Variants in DOCK10 observed in about 807,000 individuals in gnomAD.
DOCK10 encodes the protein dedicator of cytokinesis protein 10.
A neutral mutation model predicts 280.1 loss-of-function variants in DOCK10; 145 were observed. The ratio of observed to expected loss-of-function variants is 0.52; its 90% CI spans 0.45 to 0.59. DOCK10 has a LOEUF of 0.59. DOCK10 is among the 20% of genes least tolerant of loss of function. The pLI is 0.00. For missense variants in DOCK10, 2,368 were observed against 2,651.7 expected, an observed-to-expected ratio of 0.89 and a Z score of 2.35; for synonymous variants, 915 against 942.2, an observed-to-expected ratio of 0.97 and a Z score of 0.53.
At chr2:224,843,609 T>C (rs920961584) in intron 22 of DOCK10, among the ~76,000 whole-genome samples, 2 of 152,210 alleles carry the variant, frequency 1.3e-5, no homozygotes, top group Non-Finnish European at 2.9e-5. Context: ...TATTTCATTT[T>C]TCTTATGGAT....
intron 1 of DOCK10, among the ~76,000 whole-genome samples, chr2:225,039,445 T>G (rs1690354967): frequency 6.6e-6 from 1 of 152,222 alleles, no homozygotes; most frequent in African/African-American, 2.4e-5. Flanking sequence ...TGTATGTTTT[T>G]GTTCATTACT....
At chr2:224,855,570 A>G (rs1697067496) in intron 15 of DOCK10, among the ~76,000 whole-genome samples, 1 of 152,122 alleles carries the variant, frequency 6.6e-6, no homozygotes, top group Non-Finnish European at 1.5e-5. Context: ...CCTATAGTGT[A>G]TGCGGACACC....
chr2:224,801,500 C>A (rs1693010683), intron 40 of DOCK10, among the ~76,000 whole-genome samples: 1 of 152,014 alleles, frequency 6.6e-6, no homozygotes, highest in South Asian at 2.1e-4. Context: ...AAGTTACATG[C>A]TTACAAAACG....
chr2:225,022,981 C>T (rs760956591), intron 1 of DOCK10, among the ~76,000 whole-genome samples: 5 of 152,104 alleles, frequency 3.3e-5, no homozygotes, highest in Non-Finnish European at 7.4e-5. Flanking sequence ...GGAGGAGATG[C>T]TCATGAAACT....
chr2:224,984,588 T>C (rs977483855), intron 1 of DOCK10, among the ~76,000 whole-genome samples: 1 of 151,358 alleles, frequency 6.6e-6, no homozygotes, highest in Non-Finnish European at 1.5e-5. Context: ...TTAGTTTCTT[T>C]GGAATTCAAT....
intron 43 of DOCK10, 24 bp downstream of exon 43, chr2:224,796,940 T>A (rs749755276): frequency 1.9e-6 from 3 of 1,604,826 alleles, no homozygotes; most frequent in Non-Finnish European, 2.6e-6. Context: ...AACAACAGCA[T>A]TAATGAAAAT....
At position 224,931,476 on chromosome 2, in the gene DOCK10, T is replaced by A; in HGVS notation, c.243+73A>T. The A allele has an allele frequency of 6.0e-6, 9 of 1,496,374 alleles. No homozygotes were observed. The South Asian group carries it at 1.2e-4, about 19-fold the overall frequency. The allele number at this position is 1,496,374 out of a possible 1,614,324, so 92.7% of individuals were successfully genotyped here. Reference sequence around the variant, plus strand: ...CACAGGGAGGCCTGGACTCTCTGAATCTACAGGGAAAGACAATGACCCAAT... The same window carrying A: ...CACAGGGAGGCCTGGACTCTCTGAAACTACAGGGAAAGACAATGACCCAAT... On this transcript the variant is annotated intron_variant, in intron 2 of 55. Transcript: ENST00000258390.
At chr2:225,005,967 C>T (rs947034367) in intron 1 of DOCK10, among the ~76,000 whole-genome samples, 1 of 152,144 alleles carries the variant, frequency 6.6e-6, no homozygotes, top group Non-Finnish European at 1.5e-5. Flanking sequence ...AGACCACCCT[C>T]TAGGGTGTAC....
chr2:224,908,672 T>C (rs188863821), intron 3 of DOCK10, among the ~76,000 whole-genome samples: 1 of 151,758 alleles, frequency 6.6e-6, no homozygotes, highest in Admixed American at 6.6e-5. Flanking sequence ...AATTAAAAAG[T>C]TTTTTTTAGA....
intron 25 of DOCK10, among the ~76,000 whole-genome samples, chr2:224,835,364 C>G (rs1695526300): frequency 6.6e-6 from 1 of 152,214 alleles, no homozygotes; most frequent in Non-Finnish European, 1.5e-5. Flanking sequence ...CCCATCAGTG[C>G]TACAAATCAC....
Position 224,789,116 on chromosome 2 carries a change from T to C in DOCK10, c.5366A>G (p.Glu1789Gly). ...AFLSITPNIK[E>G]EGAMKEDSGM... The stretch of plus-strand genomic sequence containing the variant: ...AGAATCCTCTTTCATCGCTCCTTCT[T>C]CCTTAATGTTTGGTGTAATGCTCAA... The change falls in exon 48 of 56, where the codon GAA (glutamate) becomes GGA (glycine). Residue 1789 changes from glutamate (E) to glycine (G), a missense_variant. Glu to Gly is a moderately conservative substitution (Grantham distance 98, BLOSUM62 -2). Around this residue, in one of 2 missense-constraint regions of DOCK10, gnomAD observed 1,159 missense variants for 1,400.8 expected, o/e 0.83. Coordinates refer to ENST00000258390, the MANE Select transcript of DOCK10 (RefSeq NM_014689.3). 1.2e-6 allele frequency: 2 copies of C among 1,613,772 alleles called. No individual in the cohort carries two copies. Among genetic ancestry groups the C allele is most frequent in the South Asian group, 2.2e-5 (2 of 91,008 alleles).
intron 1 of DOCK10, among the ~76,000 whole-genome samples, chr2:225,013,379 C>T (rs566604322): frequency 3.3e-5 from 5 of 152,288 alleles, no homozygotes; most frequent in African/African-American, 1.2e-4. Flanking sequence ...GTTAAGTGTG[C>T]AGCTGTGAAA....
intron 1 of DOCK10, among the ~76,000 whole-genome samples, chr2:224,944,543 T>A (rs755828506): frequency 6.6e-5 from 10 of 152,194 alleles, no homozygotes; most frequent in Non-Finnish European, 1.2e-4. Context: ...ATAGGTATTA[T>A]TATAAGCATT....
intron 1 of DOCK10, among the ~76,000 whole-genome samples, chr2:224,942,345 T>C (rs1026986781): frequency 2.0e-5 from 3 of 152,266 alleles, no homozygotes; most frequent in African/African-American, 7.2e-5. Flanking sequence ...ATTTCTTGGA[T>C]TGAATTCACA....
chr2:224,961,760 C>G (rs796704847), intron 1 of DOCK10, among the ~76,000 whole-genome samples: 7 of 152,124 alleles, frequency 4.6e-5, no homozygotes, highest in African/African-American at 1.7e-4. Flanking sequence ...CTGCCTCGGC[C>G]TCCCAAAGTG....
chr2:224,980,107 G>A (rs1383035659), intron 1 of DOCK10, among the ~76,000 whole-genome samples: 1 of 152,204 alleles, frequency 6.6e-6, no homozygotes, highest in African/African-American at 2.4e-5. Flanking sequence ...ACTGGAGGAG[G>A]AGAAGGGGTG....
At chr2:224,915,161 C>T (rs1368842552) in intron 3 of DOCK10, among the ~76,000 whole-genome samples, 3 of 152,192 alleles carry the variant, frequency 2.0e-5, no homozygotes, top group African/African-American at 7.2e-5. Flanking sequence ...ATAAAAATGT[C>T]AAATCCTGCC....
At chr2:224,846,500 CTTTTTTTT>C in intron 19 of DOCK10, among the ~76,000 whole-genome samples, 1 of 129,060 alleles carries the variant, frequency 7.7e-6, no homozygotes, top group African/African-American at 3.0e-5. Context: ...TGACCTCTGG[CTTTTTTTT>C]TTTTTTTTTT....
chr2:224,810,557 A>G (rs1443723100), intron 31 of DOCK10, among the ~76,000 whole-genome samples: 7 of 151,672 alleles, frequency 4.6e-5, no homozygotes, highest in Non-Finnish European at 7.4e-5. Flanking sequence ...ATATGTATAC[A>G]TGTGCCATGT....
Sources: allele counts gnomAD v4.1 joint callset (sites outside exome capture counted in the v4.1 genomes callset), GRCh38; gene constraint gnomAD v4.1.1; regional missense constraint gnomAD v4.1.1; transcripts MANE v1.5; gene names NCBI Gene and HGNC (gene_info 2026-07-23, HGNC 2026-07-21).